The following EXT2 variants were observed in gnomAD, a reference collection of about 807,000 sequenced individuals.
The protein encoded by EXT2 is exostosin-2.
In EXT2, 53 loss-of-function variants were observed where a neutral mutation model predicts 81.6. The ratio of observed to expected loss-of-function variants is 0.65; its 90% confidence interval spans 0.52 to 0.82. EXT2 has a LOEUF of 0.82. EXT2 is among the 40% of genes least tolerant of loss of function. EXT2 has a pLI of 0.00. For synonymous variants in EXT2, 320 were observed against 340.0 expected (o/e 0.94, Z 0.65); for missense variants, 774 against 910.2 (o/e 0.85, Z 1.93).
chr11:44,161,179 A>G (rs1954922731), intron 7 of EXT2, among the ~76,000 whole-genome samples: 1 of 152,220 alleles, frequency 6.6e-6, no homozygotes, highest in South Asian at 2.1e-4. Flanking sequence ...TAGGTGAGAT[A>G]TGTTAGCAGG....
At position 44,109,263 on chromosome 11, in the gene EXT2, C is replaced by G; in HGVS notation, c.606C>G (p.Ala202=). ...GAGGTCCCCCAGATTATAACACAGC[C>G]CTGGATGTCCCCAGAGACAGGTAGG... ...LPGGPPDYNT[A]LDVPRDRALL... is the part of the protein sequence containing the mutation. Residue 202 remains alanine (A), a synonymous_variant, in exon 3 of 14, where the codon GCC becomes GCG. Transcript: ENST00000533608. The G allele has an allele frequency of 6.2e-7, 1 of 1,614,026 alleles. No homozygotes were observed. Among genetic ancestry groups the G allele is most frequent in the Non-Finnish European group, 8.5e-7 (1 of 1,179,974 alleles).
chr11:44,219,523 C>T (rs1955759754), intron 10 of EXT2, among the ~76,000 whole-genome samples: 1 of 152,058 alleles, frequency 6.6e-6, no homozygotes, highest in African/African-American at 2.4e-5. Flanking sequence ...AATAAAAATG[C>T]AAAACAAGTC....
At chr11:44,174,414 A>T (rs181541420) in intron 8 of EXT2, among the ~76,000 whole-genome samples, 25 of 151,592 alleles carry the variant, frequency 1.6e-4, no homozygotes, top group Non-Finnish European at 3.4e-4. Context: ...TACATTTTAT[A>T]TATATATATA....
intron 7 of EXT2, among the ~76,000 whole-genome samples, chr11:44,134,696 A>G (rs1258181529): frequency 6.6e-6 from 1 of 152,194 alleles, no homozygotes. Context: ...AAATGTTTGT[A>G]TGGATAGGGA....
At chr11:44,238,933 C>G (rs891630335) in intron 13 of EXT2, among the ~76,000 whole-genome samples, 3 of 152,072 alleles carry the variant, frequency 2.0e-5, no homozygotes, top group Non-Finnish European at 4.4e-5. Flanking sequence ...CCTTCAGGCT[C>G]TGGTAAGCTA....
chr11:44,118,832 A>G (rs1954260020), intron 4 of EXT2, among the ~76,000 whole-genome samples: 1 of 152,102 alleles, frequency 6.6e-6, no homozygotes, highest in South Asian at 2.1e-4. Context: ...TGGCATATTT[A>G]TGTAGCACGA....
chr11:44,246,926 CT>C lies in EXT2; in HGVS notation c.*2644del, dbSNP rs1259325173. Among the ~76,000 whole-genome samples, 1 of 152,234 alleles carries C rather than the reference CT, an allele frequency of 6.6e-6. No individual in the cohort carries two copies. Among genetic ancestry groups the C allele is most frequent in the Non-Finnish European group, 1.5e-5 (1 of 68,044 alleles). Reference sequence around the variant, plus strand: ...AACAGCTGGTTTTAGATTAAGAAATCTTTTTAAAGAAACACATCTTACTGGC... The same window carrying C: ...AACAGCTGGTTTTAGATTAAGAAATCTTTTAAAGAAACACATCTTACTGGC... On this transcript the variant is annotated 3_prime_UTR_variant, in exon 14 of 14. Coordinates refer to ENST00000533608, the MANE Select transcript of EXT2 (RefSeq NM_207122.2).
chr11:44,107,621 T>G (rs1954073383), intron 1 of EXT2, 62 bp from the exon 2 acceptor site: 1 of 1,488,010 alleles, frequency 6.7e-7, no homozygotes, highest in African/African-American at 1.4e-5. Flanking sequence ...TGAATAGTCT[T>G]TTCAAGTGTC....
chr11:44,224,244 T>A (rs1955814893), intron 10 of EXT2, among the ~76,000 whole-genome samples: 1 of 152,140 alleles, frequency 6.6e-6, no homozygotes, highest in Non-Finnish European at 1.5e-5. Flanking sequence ...AATCTCTCCG[T>A]CCCTAAACTT....
chr11:44,239,381 CCTCTGTATATACT>C (rs1179049013), intron 13 of EXT2, among the ~76,000 whole-genome samples: 1 of 144,130 alleles, frequency 6.9e-6, no homozygotes, highest in Non-Finnish European at 1.5e-5. Flanking sequence ...GGGGTCTTTC[CCTCTGTATATACT>C]TTTTTTTTTT....
chr11:44,164,972 G>A (rs368169253), intron 7 of EXT2, among the ~76,000 whole-genome samples: 7 of 149,044 alleles, frequency 4.7e-5, no homozygotes, highest in South Asian at 2.1e-4. Flanking sequence ...TCCGCCTCCC[G>A]GGTTCACGCC....
At chr11:44,216,657 A>C (rs893898980) in intron 10 of EXT2, among the ~76,000 whole-genome samples, 38 of 152,066 alleles carry the variant, frequency 2.5e-4, no homozygotes, top group African/African-American at 8.7e-4. Context: ...TGCTTATGTT[A>C]AAGGGTTGGA....
At chr11:44,133,884 A>T (rs1226468285) in intron 7 of EXT2, among the ~76,000 whole-genome samples, 1 of 152,228 alleles carries the variant, frequency 6.6e-6, no homozygotes, top group Non-Finnish European at 1.5e-5. Context: ...CCTTGTTGTG[A>T]CGGGAATTTG....
intron 13 of EXT2, 84 bp from the exon 14 acceptor site, chr11:44,244,065 T>G: frequency 1.6e-6 from 2 of 1,279,824 alleles, no homozygotes; most frequent in South Asian, 2.4e-5. Flanking sequence ...CTCAACCTCT[T>G]GAACATACTA....
At chr11:44,236,858 C>T (rs1292073918) in intron 13 of EXT2, among the ~76,000 whole-genome samples, 1 of 152,138 alleles carries the variant, frequency 6.6e-6, no homozygotes, top group East Asian at 1.9e-4. Context: ...GACAGAGGGG[C>T]AAGACAGCTC....
In EXT2 at chr11:44,249,939, A is replaced by G. The variant is rs977920734; in HGVS notation, c.*5652A>G. On this transcript the variant is annotated 3_prime_UTR_variant, in exon 14 of 14. Transcript: ENST00000533608. ...CAAAGAATTAGCCGGGCATAGTGGCAGGCACCTGTAGCCCCAGCTACTCGG... is the reference window on the plus strand; with the variant it reads ...CAAAGAATTAGCCGGGCATAGTGGCGGGCACCTGTAGCCCCAGCTACTCGG... Among the ~76,000 whole-genome samples, 8 of 152,296 alleles carry G rather than the reference A, an allele frequency of 5.3e-5. No individual in the cohort carries two copies. The highest frequency in any genetic ancestry group is 8.8e-5 in the Non-Finnish European group (6 of 68,026).
intron 7 of EXT2, among the ~76,000 whole-genome samples, chr11:44,147,775 CTT>C (rs66961451): frequency 2.9e-5 from 3 of 103,396 alleles, no homozygotes; most frequent in African/African-American, 1.2e-4. Context: ...TCCACATTGT[CTT>C]TTTTTTTTTT....
rs144667583 is a variant in EXT2 at position 44,097,213 on chromosome 11, A to G, written c.-31+1361A>G. ...GTGCTTAAAACAGACCCTGGCATGT[A>G]GTAAGTGCTTAGTAAGATTTACATA... On this transcript the variant is annotated intron_variant, in intron 1 of 13. Coordinates refer to ENST00000533608, the MANE Select transcript of EXT2 (RefSeq NM_207122.2). Among the ~76,000 whole-genome samples, 5 of 152,380 alleles carry G rather than the reference A, an allele frequency of 3.3e-5. No individual in the cohort carries two copies. The East Asian group carries it at 7.7e-4, about 23-fold the overall frequency.
intron 12 of EXT2, among the ~76,000 whole-genome samples, chr11:44,234,673 C>T (rs568914005): frequency 1.9e-4 from 29 of 151,718 alleles, no homozygotes; most frequent in Non-Finnish European, 3.8e-4. Context: ...CTAAACACAA[C>T]GAATTTAATT....
Sources: allele counts gnomAD v4.1 joint callset (sites outside exome capture counted in the v4.1 genomes callset), GRCh38; gene constraint gnomAD v4.1.1; transcripts MANE v1.5; gene names NCBI Gene and HGNC (gene_info 2026-07-23, HGNC 2026-07-21).